Variants in ADAMTSL1 observed in about 807,000 individuals in gnomAD.
The protein encoded by ADAMTSL1 is ADAMTS like 1.
In ADAMTSL1, 126 loss-of-function variants were observed where a neutral mutation model predicts 201.8. The ratio of observed to expected loss-of-function variants is 0.62; its 90% confidence interval spans 0.54 to 0.72. The LOEUF (loss-of-function observed/expected upper bound fraction) is 0.72, where lower values mean the gene tolerates loss of function less well. Ranked by LOEUF, ADAMTSL1 falls within the 30% of genes least tolerant of loss-of-function variation. ADAMTSL1 has a pLI of 0.00. For synonymous variants in ADAMTSL1, 1,121 were observed against 903.4 expected, an observed-to-expected ratio of 1.24 and a Z score of -4.32; for missense variants, 2,679 against 2,277.8, an observed-to-expected ratio of 1.18 and a Z score of -3.59.
intron 23 of ADAMTSL1, among the ~76,000 whole-genome samples, chr9:18,839,289 T>C (rs1825558293): frequency 6.7e-6 from 1 of 149,170 alleles, no homozygotes; most frequent in African/African-American, 2.4e-5. Flanking sequence ...CGGTGTTTGG[T>C]TTTTTGTCTT....
intron 2 of ADAMTSL1, among the ~76,000 whole-genome samples, chr9:18,442,871 A>G (rs1174904474): frequency 6.6e-6 from 1 of 152,218 alleles, no homozygotes; most frequent in Non-Finnish European, 1.5e-5. Flanking sequence ...GGGCTAAGGA[A>G]AAGCAAATAG....
intron 2 of ADAMTSL1, among the ~76,000 whole-genome samples, chr9:18,192,129 T>C (rs568890877): frequency 2.6e-5 from 4 of 152,294 alleles, no homozygotes; most frequent in Admixed American, 2.0e-4. Flanking sequence ...ACTTTTCTAA[T>C]AGGAATATTT....
At chr9:18,395,371 G>A (rs1413026501) in intron 2 of ADAMTSL1, among the ~76,000 whole-genome samples, 43 of 152,122 alleles carry the variant, frequency 2.8e-4, no homozygotes, top group Non-Finnish European at 2.9e-5. Flanking sequence ...GCAAGATGTC[G>A]ATCTAAAGTT....
At chr9:18,782,839 C>T (rs1202379351) in intron 19 of ADAMTSL1, among the ~76,000 whole-genome samples, 3 of 152,090 alleles carry the variant, frequency 2.0e-5, no homozygotes, top group African/African-American at 7.2e-5. Context: ...AACCCTAAAG[C>T]GACAATGACT....
chr9:18,363,931 AAGG>A (rs869111677), intron 2 of ADAMTSL1, among the ~76,000 whole-genome samples: 1 of 67,210 alleles, frequency 1.5e-5, no homozygotes, highest in East Asian at 4.5e-4. Flanking sequence ...GAAATAGAGG[AAGG>A]AACATAGTTT....
At chr9:18,253,283 G>T (rs1831539309) in intron 2 of ADAMTSL1, among the ~76,000 whole-genome samples, 1 of 152,120 alleles carries the variant, frequency 6.6e-6, no homozygotes, top group Admixed American at 6.5e-5. Flanking sequence ...GGTTACCTCA[G>T]GAAGGAGGGA....
chr9:18,354,799 A>G (rs185692499), intron 2 of ADAMTSL1, among the ~76,000 whole-genome samples: 15 of 152,206 alleles, frequency 9.9e-5, no homozygotes, highest in Non-Finnish European at 2.1e-4. Context: ...GTGAAACCCC[A>G]TCTCTACTGA....
chr9:18,268,823 T>G (rs1450776465), intron 2 of ADAMTSL1, among the ~76,000 whole-genome samples: 2 of 152,132 alleles, frequency 1.3e-5, no homozygotes, highest in East Asian at 1.9e-4. Context: ...TAAAAGCAAT[T>G]GGGTCATAGT....
At chr9:17,948,511 G>C (rs1197424024) in intron 1 of ADAMTSL1, among the ~76,000 whole-genome samples, 2 of 152,162 alleles carry the variant, frequency 1.3e-5, no homozygotes, top group Non-Finnish European at 2.9e-5. Context: ...TATTTTATTA[G>C]GGAGTGCTGT....
chr9:18,685,074 A>T, intron 13 of ADAMTSL1: 1 of 873,116 alleles, frequency 1.1e-6, no homozygotes, highest in Non-Finnish European at 1.4e-6. Context: ...TTCTCTGCGC[A>T]AGGGGCCAAA....
intron 1 of ADAMTSL1, among the ~76,000 whole-genome samples, chr9:18,125,800 G>A (rs1029251789): frequency 2.0e-5 from 3 of 152,116 alleles, no homozygotes; most frequent in African/African-American, 7.2e-5. Flanking sequence ...ATTCCAAACT[G>A]TAGATTTGCT....
chr9:18,004,101 T>G (rs1049343755), intron 1 of ADAMTSL1, among the ~76,000 whole-genome samples: 3 of 152,000 alleles, frequency 2.0e-5, no homozygotes, highest in Non-Finnish European at 4.4e-5. Flanking sequence ...ACCACTTAAT[T>G]TATTAATGTT....
intron 1 of ADAMTSL1, among the ~76,000 whole-genome samples, chr9:18,117,985 A>T (rs1478524550): frequency 6.6e-6 from 1 of 152,150 alleles, no homozygotes; most frequent in East Asian, 1.9e-4. Flanking sequence ...TTAATACACT[A>T]GTTTGCAACA....
chr9:18,766,643 C>T (rs966157945), intron 16 of ADAMTSL1, among the ~76,000 whole-genome samples: 9 of 152,164 alleles, frequency 5.9e-5, no homozygotes, highest in African/African-American at 1.9e-4. Context: ...CTGGCAGATT[C>T]GGTGTCTAGT....
chr9:18,569,475 A>C (rs1465717380), intron 3 of ADAMTSL1, among the ~76,000 whole-genome samples: 1 of 152,220 alleles, frequency 6.6e-6, no homozygotes, highest in Non-Finnish European at 1.5e-5. Context: ...CATGACACAG[A>C]GCTGTCAAGC....
At position 18,777,602 on chromosome 9, in the gene ADAMTSL1, C is replaced by G; in HGVS notation, c.3373C>G (p.Arg1125Gly). 6.2e-7 allele frequency: 1 copy of G among 1,613,084 alleles called. No individual in the cohort carries two copies. Among genetic ancestry groups the G allele is most frequent in the South Asian group, 1.1e-5 (1 of 90,860 alleles). ...HQDTLLKPSERRTSPVTLSPH... is the reference protein window; with the variant it reads ...HQDTLLKPSEGRTSPVTLSPH... The stretch of plus-strand genomic sequence containing the variant: ...GGACACGCTCCTGAAGCCCTCGGAG[C>G]GCAGGACTTCCCCAGTGACTCTCTC... Residue 1125 changes from arginine to glycine, a missense_variant, in exon 19 of 29, where the codon CGC (arginine) becomes GGC (glycine). Coordinates refer to ENST00000380548, the MANE Select transcript of ADAMTSL1 (RefSeq NM_001040272.6).
intron 2 of ADAMTSL1, among the ~76,000 whole-genome samples, chr9:18,358,040 C>G (rs540358659): frequency 6.6e-6 from 1 of 152,118 alleles, no homozygotes; most frequent in African/African-American, 2.4e-5. Context: ...GGCTTTGGAC[C>G]AAATAGACCT....
chr9:18,895,983 G>T (rs530223111), intron 26 of ADAMTSL1, among the ~76,000 whole-genome samples: 2 of 152,208 alleles, frequency 1.3e-5, no homozygotes, highest in African/African-American at 4.8e-5. Context: ...TTACTGGCGG[G>T]ATTCAACAGC....
rs529754983 is a variant in ADAMTSL1, at chr9:18,313,333, G to T, written c.207+149352G>T. On this transcript the variant is annotated intron_variant, in intron 2 of 29. Transcript: ENST00000680146. ...TACCGATATTTTTTTAAGGCCCCAG[G>T]TGATTCACTGGGAAAAATGCTGTTA... Among the ~76,000 whole-genome samples the T allele has an allele frequency of 2.0e-5, 3 of 152,218 alleles. No individual in the cohort carries two copies. The South Asian group carries it at 6.3e-4, about 32-fold the overall frequency.
Sources: allele counts gnomAD v4.1 joint callset (sites outside exome capture counted in the v4.1 genomes callset), GRCh38; gene constraint gnomAD v4.1.1; transcripts MANE v1.5; gene names NCBI Gene and HGNC (gene_info 2026-07-23, HGNC 2026-07-21).